CADM2: variants seen among roughly 807,000 people sequenced by gnomAD.
The protein encoded by CADM2 is immunoglobulin superfamily member 4D.
A neutral mutation model predicts 49.8 loss-of-function variants in CADM2; 12 were observed. The ratio of observed to expected loss-of-function variants is 0.24; its 90% CI spans 0.15 to 0.39. CADM2 has a LOEUF of 0.39. Ranked by LOEUF, CADM2 falls within the 10% of genes least tolerant of loss-of-function variation. The pLI, the probability that CADM2 is intolerant of heterozygous loss-of-function variation, is 1.00. For synonymous variants in CADM2, 214 were observed against 175.4 expected (o/e 1.22, Z -1.74); for missense variants, 378 against 492.3 (o/e 0.77, Z 2.20).
rs574798841 is a variant in CADM2, at chr3:85,482,191, T to G, written c.62-244331T>G. Among the ~76,000 whole-genome samples the G allele has an allele frequency of 3.3e-5, 5 of 151,874 alleles. No individual in the cohort carries two copies. The East Asian group carries it at 7.8e-4, about 24-fold the overall frequency. ...TGAATCTGTAGCTTGTCTCTGGATA[T>G]GGAAAATTTTTCACAGGCCTGCTAC... On this transcript the variant is annotated intron_variant, in intron 1 of 9. Transcript: ENST00000383699.
At chr3:85,345,114 G>A (rs1264322287) in intron 1 of CADM2, among the ~76,000 whole-genome samples, 10 of 151,764 alleles carry the variant, frequency 6.6e-5, no homozygotes, top group Admixed American at 2.0e-4. Flanking sequence ...TCAGGAGTTC[G>A]AGAGCAGCCT....
chr3:85,625,914 T>C (rs2064117500), intron 1 of CADM2, among the ~76,000 whole-genome samples: 1 of 152,038 alleles, frequency 6.6e-6, no homozygotes, highest in Admixed American at 6.6e-5. Context: ...TGACCCTGTT[T>C]TTATATGTAC....
At chr3:85,367,462 C>G (rs991799715) in intron 1 of CADM2, among the ~76,000 whole-genome samples, 1 of 151,680 alleles carries the variant, frequency 6.6e-6, no homozygotes, top group South Asian at 2.1e-4. Context: ...TTGCCGTTCA[C>G]TGCTTGGAGT....
intron 8 of CADM2, among the ~76,000 whole-genome samples, chr3:86,056,952 G>A (rs978911793): frequency 5.3e-5 from 8 of 152,068 alleles, no homozygotes; most frequent in Admixed American, 3.3e-4. Flanking sequence ...GCTTTAACCC[G>A]TCATTGAAAA....
chr3:85,023,042 A>G (rs149698602), intron 1 of CADM2, among the ~76,000 whole-genome samples: 2 of 152,272 alleles, frequency 1.3e-5, no homozygotes, highest in African/African-American at 2.4e-5. Context: ...AGACTATTCA[A>G]TTGCTCAGAA....
chr3:85,974,825 G>C (rs1032466598), intron 8 of CADM2, among the ~76,000 whole-genome samples: 1 of 151,520 alleles, frequency 6.6e-6, no homozygotes, highest in African/African-American at 2.4e-5. Context: ...TAGGGGTTCT[G>C]TCTGTTATTG....
chr3:85,010,202 C>G (rs2033924704), intron 1 of CADM2, among the ~76,000 whole-genome samples: 4 of 152,012 alleles, frequency 2.6e-5, no homozygotes, highest in Admixed American at 2.6e-4. Flanking sequence ...TAATGCAACC[C>G]AAGATCCAAA....
At chr3:86,019,645 G>C (rs1376473069) in intron 8 of CADM2, among the ~76,000 whole-genome samples, 2 of 151,948 alleles carry the variant, frequency 1.3e-5, no homozygotes, top group Non-Finnish European at 2.9e-5. Flanking sequence ...AAGCAATTGT[G>C]AATGGGAGTT....
At chr3:85,836,900 A>T (rs2074433820) in intron 3 of CADM2, among the ~76,000 whole-genome samples, 1 of 151,616 alleles carries the variant, frequency 6.6e-6, no homozygotes, top group Admixed American at 6.6e-5. Flanking sequence ...AGTTCAGATA[A>T]CAGGCAAAGT....
chr3:85,353,898 C>A (rs2031594078), intron 1 of CADM2, among the ~76,000 whole-genome samples: 1 of 151,892 alleles, frequency 6.6e-6, no homozygotes, highest in Non-Finnish European at 1.5e-5. Context: ...AAATATTTAT[C>A]TTTCAATTTG....
rs368379977 is a variant in CADM2 at position 85,029,031 on chromosome 3, A to T, written c.61+69363A>T. Among the ~76,000 whole-genome samples, 47 of 152,088 alleles carry T rather than the reference A, an allele frequency of 3.1e-4. No individual in the cohort carries two copies. In the South Asian group the frequency reaches 6.0e-3, roughly 20 times the overall value. ...TATAACACGTATTTAATACTATTAT[A>T]ACATTTATTTCCTTCTCTATTTACA... On this transcript the variant is annotated intron_variant, in intron 1 of 9. Coordinates refer to ENST00000383699, the MANE Select transcript of CADM2 (RefSeq NM_001167675.2).
chr3:85,428,437 T>A (rs1473577355), intron 1 of CADM2, among the ~76,000 whole-genome samples: 1 of 145,424 alleles, frequency 6.9e-6, no homozygotes, highest in Non-Finnish European at 1.5e-5. Context: ...TATATATATA[T>A]ATAGATATAT....
At chr3:85,568,614 T>TTTC (rs1553743698) in intron 1 of CADM2, among the ~76,000 whole-genome samples, 3 of 112,670 alleles carry the variant, frequency 2.7e-5, no homozygotes, top group Admixed American at 2.0e-4. Context: ...CTCTCTTTCT[T>TTTC]TTTTTTTTTT....
chr3:85,233,590 T>G (rs2042346746), intron 1 of CADM2, among the ~76,000 whole-genome samples: 1 of 152,166 alleles, frequency 6.6e-6, no homozygotes, highest in South Asian at 2.1e-4. Context: ...TGATTTAGAC[T>G]CACTTTTATA....
chr3:85,831,372 G>A (rs1024278302), intron 3 of CADM2, among the ~76,000 whole-genome samples: 7 of 152,026 alleles, frequency 4.6e-5, no homozygotes, highest in African/African-American at 1.7e-4. Context: ...GGATAGAATG[G>A]CAGTTCTGTT....
intron 2 of CADM2, among the ~76,000 whole-genome samples, chr3:85,783,100 C>T (rs1197761982): frequency 6.6e-6 from 1 of 152,080 alleles, no homozygotes; most frequent in Non-Finnish European, 1.5e-5. Context: ...GGTAGTTTTT[C>T]TATTCATATA....
intron 7 of CADM2, among the ~76,000 whole-genome samples, chr3:85,949,527 A>G (rs932305621): frequency 3.3e-5 from 5 of 151,302 alleles, no homozygotes; most frequent in African/African-American, 1.2e-4. Flanking sequence ...CAAGGTTGTC[A>G]CCAAAACTCC....
chr3:85,674,776 T>A (rs2065845553), intron 1 of CADM2, among the ~76,000 whole-genome samples: 1 of 152,140 alleles, frequency 6.6e-6, no homozygotes, highest in African/African-American at 2.4e-5. Context: ...AAATCTTTCT[T>A]ACCACATTCA....
intron 1 of CADM2, among the ~76,000 whole-genome samples, chr3:85,519,149 C>G (rs569563581): frequency 6.6e-6 from 1 of 152,160 alleles, no homozygotes; most frequent in African/African-American, 2.4e-5. Flanking sequence ...TCATTACTTT[C>G]ATCTCTAATT....
Sources: allele counts gnomAD v4.1 joint callset (sites outside exome capture counted in the v4.1 genomes callset), GRCh38; gene constraint gnomAD v4.1.1; transcripts MANE v1.5; gene names NCBI Gene and HGNC (gene_info 2026-07-23, HGNC 2026-07-21).